CNTN5: variants seen among roughly 807,000 people sequenced by gnomAD.
CNTN5 encodes contactin-5.
CNTN5 carries 77 observed loss-of-function variants against 129.1 expected under a neutral mutation model. The ratio of observed to expected loss-of-function variants is 0.60; its 90% confidence interval spans 0.50 to 0.72. The LOEUF (loss-of-function observed/expected upper bound fraction) is 0.72. CNTN5 is among the 30% of genes least tolerant of loss of function. The pLI is 0.00. For missense variants in CNTN5, 1,478 were observed against 1,328.8 expected, an observed-to-expected ratio of 1.11 and a Z score of -1.75; for synonymous variants, 509 against 465.6, an observed-to-expected ratio of 1.09 and a Z score of -1.20.
intron 1 of CNTN5, among the ~76,000 whole-genome samples, chr11:99,219,563 T>C (rs12291661): frequency 0.036 from 5,459 of 151,792 alleles, 137 homozygotes; most frequent in Middle Eastern, 0.071. Flanking sequence ...GTTTATAGAA[T>C]GATATCAGAG....
chr11:99,166,481 G>A (rs770664231), intron 1 of CNTN5, among the ~76,000 whole-genome samples: 3 of 150,844 alleles, frequency 2.0e-5, no homozygotes, highest in Non-Finnish European at 4.4e-5. Context: ...TTTTCCTTAA[G>A]CCTCTCAGGA....
At chr11:99,187,814 T>C (rs1383734230) in intron 1 of CNTN5, among the ~76,000 whole-genome samples, 1 of 151,802 alleles carries the variant, frequency 6.6e-6, no homozygotes, top group Non-Finnish European at 1.5e-5. Context: ...CTTAATTTTA[T>C]TTATAATTAT....
chr11:99,301,296 A>G (rs1262595125), intron 1 of CNTN5, among the ~76,000 whole-genome samples: 1 of 143,946 alleles, frequency 6.9e-6, no homozygotes, highest in Non-Finnish European at 1.6e-5. Context: ...AAGAGCAGAG[A>G]TTGACTGAAC....
At chr11:100,072,990 C>CAAAAAAAAAAACAAAAAAAAAA (rs1943985620) in intron 12 of CNTN5, among the ~76,000 whole-genome samples, 1 of 79,054 alleles carries the variant, frequency 1.3e-5, no homozygotes, top group Non-Finnish European at 2.1e-5. Flanking sequence ...TCCCAGGAGG[C>CAAAAAAAAAAACAAAAAAAAAA]AAAAAAAAAA....
intron 1 of CNTN5, among the ~76,000 whole-genome samples, chr11:99,244,096 A>G (rs1263194838): frequency 6.6e-6 from 1 of 152,054 alleles, no homozygotes; most frequent in Non-Finnish European, 1.5e-5. Context: ...CAATCCATGA[A>G]CATAGAATGT....
At chr11:100,327,737 G>A (rs1288915407) in intron 21 of CNTN5, among the ~76,000 whole-genome samples, 2 of 152,080 alleles carry the variant, frequency 1.3e-5, no homozygotes, top group South Asian at 2.1e-4. Flanking sequence ...AAATACCTTC[G>A]AATGGATAGT....
intron 1 of CNTN5, among the ~76,000 whole-genome samples, chr11:99,108,630 T>C (rs1448996241): frequency 1.3e-5 from 2 of 152,344 alleles, no homozygotes; most frequent in East Asian, 3.9e-4. Flanking sequence ...TTTTACATAG[T>C]ATCCAAATAC....
chr11:99,494,594 G>T (rs1946157063), intron 2 of CNTN5, among the ~76,000 whole-genome samples: 1 of 152,124 alleles, frequency 6.6e-6, no homozygotes, highest in Admixed American at 6.5e-5. Flanking sequence ...GTCTACTCTG[G>T]AAATAAAAGT....
intron 1 of CNTN5, among the ~76,000 whole-genome samples, chr11:99,294,236 T>G (rs931864373): frequency 6.6e-6 from 1 of 152,168 alleles, no homozygotes; most frequent in South Asian, 2.1e-4. Flanking sequence ...GTTTGTGCCC[T>G]TGTTTGCAAA....
At chr11:99,821,735 C>G (rs77802162) in intron 4 of CNTN5, among the ~76,000 whole-genome samples, 9,066 of 152,090 alleles carry the variant, frequency 0.06, 321 homozygotes, top group Non-Finnish European at 0.082. Flanking sequence ...TAAAATAAGA[C>G]CCCCCTTCAA....
intron 2 of CNTN5, among the ~76,000 whole-genome samples, chr11:99,357,863 T>G (rs1203318148): frequency 6.6e-6 from 1 of 151,096 alleles, no homozygotes; most frequent in Non-Finnish European, 1.5e-5. Context: ...AGTGTCTCCT[T>G]TGAAACACTT....
chr11:99,494,275 G>T (rs543455563), intron 2 of CNTN5, among the ~76,000 whole-genome samples: 1 of 152,224 alleles, frequency 6.6e-6, no homozygotes, highest in South Asian at 2.1e-4. Context: ...CAGCATTTAA[G>T]GTGTAACTCC....
At chr11:99,110,694 T>C (rs2135380993) in intron 1 of CNTN5, among the ~76,000 whole-genome samples, 1 of 152,264 alleles carries the variant, frequency 6.6e-6, no homozygotes, top group African/African-American at 2.4e-5. Flanking sequence ...GATAAGTTGG[T>C]GTTTCTCATT....
chr11:99,180,295 C>T (rs754693472), intron 1 of CNTN5, among the ~76,000 whole-genome samples: 5 of 152,148 alleles, frequency 3.3e-5, no homozygotes, highest in South Asian at 2.1e-4. Context: ...ACTCACCAGA[C>T]TATGGAGGAT....
rs570088607 is a variant in CNTN5, at chr11:100,216,013, G to A, written c.1885-8679G>A. Among the ~76,000 whole-genome samples, 35 of 152,192 alleles carry A rather than the reference G, an allele frequency of 2.3e-4. No individual in the cohort carries two copies. The South Asian group carries it at 5.8e-3, about 25-fold the overall frequency. On this transcript the variant is annotated intron_variant, in intron 15 of 24. Transcript: ENST00000524871. ...TCTGTGAGACCAAACCACAAAGGAG[G>A]TACACAAACAAACTGGCCTCATTCC...
intron 1 of CNTN5, among the ~76,000 whole-genome samples, chr11:99,284,987 A>G (rs1863870260): frequency 1.3e-5 from 2 of 152,172 alleles, no homozygotes; most frequent in East Asian, 1.9e-4. Context: ...TTGGATTGCT[A>G]TATATGAATT....
intron 2 of CNTN5, among the ~76,000 whole-genome samples, chr11:99,403,220 T>C (rs1240007867): frequency 6.6e-6 from 1 of 152,120 alleles, no homozygotes; most frequent in Non-Finnish European, 1.5e-5. Flanking sequence ...CAGGATGGTC[T>C]CAATCTCCTG....
intron 2 of CNTN5, among the ~76,000 whole-genome samples, chr11:99,535,387 G>A (rs939382025): frequency 5.3e-5 from 8 of 152,280 alleles, no homozygotes; most frequent in East Asian, 1.9e-4. Context: ...CCAAATTTAC[G>A]TTTAGCTTTG....
At chr11:99,144,963 T>C (rs1272367803) in intron 1 of CNTN5, among the ~76,000 whole-genome samples, 2 of 152,144 alleles carry the variant, frequency 1.3e-5, no homozygotes, top group African/African-American at 4.8e-5. Context: ...AGAGGTGTCA[T>C]GTTTTCTTGC....
Sources: gnomAD v4.1 joint callset for allele counts (sites outside exome capture counted in the v4.1 genomes callset) on GRCh38, gnomAD v4.1.1 for gene constraint, MANE v1.5 for transcripts, NCBI Gene and HGNC (gene_info 2026-07-23, HGNC 2026-07-21) for gene names.